Variants in GRM5 observed in about 807,000 individuals in gnomAD.
The protein encoded by GRM5 is metabotropic glutamate receptor 5.
In GRM5, 19 loss-of-function variants were observed where a neutral mutation model predicts 83.1. The ratio of observed to expected loss-of-function variants is 0.23; its 90% CI spans 0.16 to 0.34. GRM5 has a LOEUF of 0.34. Among genes scored for constraint, GRM5 ranks in the 10% least tolerant of loss-of-function variants. GRM5 has a pLI of 1.00. For missense variants in GRM5, 1,160 were observed against 1,588.3 expected, an observed-to-expected ratio of 0.73 and a Z score of 4.58; for synonymous variants, 675 against 633.6, an observed-to-expected ratio of 1.07 and a Z score of -0.98.
chr11:88,858,103 C>G (rs1944504360), intron 2 of GRM5, among the ~76,000 whole-genome samples: 1 of 152,002 alleles, frequency 6.6e-6, no homozygotes, highest in African/African-American at 2.4e-5. Context: ...GACCCATATA[C>G]CACAGCATTA....
intron 2 of GRM5, among the ~76,000 whole-genome samples, chr11:88,992,724 G>C (rs1255398964): frequency 6.6e-6 from 1 of 151,876 alleles, no homozygotes; most frequent in Non-Finnish European, 1.5e-5. Flanking sequence ...GTAGGGACAT[G>C]GATGAAGCTG....
At chr11:88,865,722 A>C (rs564973286) in intron 2 of GRM5, among the ~76,000 whole-genome samples, 3 of 151,930 alleles carry the variant, frequency 2.0e-5, no homozygotes, top group African/African-American at 7.2e-5. Flanking sequence ...AGAAAAAAAA[A>C]CAACCCCATG....
At chr11:88,762,159 A>G (rs985333392) in intron 3 of GRM5, among the ~76,000 whole-genome samples, 2 of 152,160 alleles carry the variant, frequency 1.3e-5, no homozygotes, top group Non-Finnish European at 2.9e-5. Flanking sequence ...CACCAGAAGC[A>G]ATTGCAACAA....
intron 2 of GRM5, among the ~76,000 whole-genome samples, chr11:88,936,888 T>C (rs1937918354): frequency 6.6e-6 from 1 of 151,812 alleles, no homozygotes; most frequent in South Asian, 2.1e-4. Context: ...ACATAGTTTA[T>C]GAAATAGTAA....
intron 3 of GRM5, among the ~76,000 whole-genome samples, chr11:88,663,341 G>T: frequency 6.6e-6 from 1 of 152,082 alleles, no homozygotes. Context: ...ATGCTTCCAC[G>T]TCATATGCAT....
intron 2 of GRM5, among the ~76,000 whole-genome samples, chr11:88,996,783 A>G (rs887230012): frequency 6.6e-6 from 1 of 152,240 alleles, no homozygotes; most frequent in African/African-American, 2.4e-5. Context: ...AAGACTTGAA[A>G]TCATGCAGAA....
At chr11:88,772,547 C>G (rs1422038170) in intron 3 of GRM5, among the ~76,000 whole-genome samples, 2 of 151,600 alleles carry the variant, frequency 1.3e-5, no homozygotes, top group African/African-American at 4.8e-5. Context: ...TTTGCTGCAC[C>G]CATCAACTCA....
rs377690406 is a variant in GRM5, at chr11:88,640,896, A to ATG, written c.1147+12270_1147+12271dup. 7.0e-4 allele frequency among the ~76,000 whole-genome samples: 106 copies of ATG among 152,260 alleles called. No individual in the cohort carries two copies. The Middle Eastern group carries it at 0.014, about 20-fold the overall frequency. ...CCCTCTCTCTTTGTAATTTATAGAG[A>ATG]TGCCATTAATTAGACATGACTGACA... On this transcript the variant is annotated intron_variant, in intron 4 of 9. Transcript: ENST00000305447.
intron 3 of GRM5, among the ~76,000 whole-genome samples, chr11:88,704,198 C>G (rs1009960694): frequency 1.9e-4 from 29 of 152,032 alleles, no homozygotes; most frequent in African/African-American, 6.5e-4. Flanking sequence ...TTCCAAAAGC[C>G]CACCTCCAAA....
intron 2 of GRM5, among the ~76,000 whole-genome samples, chr11:88,953,628 C>T (rs923264129): frequency 1.3e-5 from 2 of 152,116 alleles, no homozygotes; most frequent in Non-Finnish European, 2.9e-5. Context: ...CTCCATGGGG[C>T]GCTGTGGCCA....
intron 2 of GRM5, among the ~76,000 whole-genome samples, chr11:88,935,013 G>C (rs1937846356): frequency 6.6e-6 from 1 of 151,896 alleles, no homozygotes. Context: ...CACTGTGCTA[G>C]GTACTGTTGT....
At chr11:88,932,330 G>A (rs1937740054) in intron 2 of GRM5, among the ~76,000 whole-genome samples, 1 of 151,858 alleles carries the variant, frequency 6.6e-6, no homozygotes, top group Non-Finnish European at 1.5e-5. Context: ...ACAAATATTT[G>A]GAAATTACAT....
chr11:88,691,214 C>A (rs540197424), intron 3 of GRM5, among the ~76,000 whole-genome samples: 1 of 152,168 alleles, frequency 6.6e-6, no homozygotes, highest in Admixed American at 6.6e-5. Flanking sequence ...TTAAATCAAA[C>A]ACTTTTTCTA....
intron 2 of GRM5, among the ~76,000 whole-genome samples, chr11:88,939,681 C>T (rs917062784): frequency 6.6e-6 from 1 of 151,634 alleles, no homozygotes; most frequent in African/African-American, 2.4e-5. Context: ...TAATAATATT[C>T]TAATACGTAT....
chr11:88,739,129 G>T (rs554022627), intron 3 of GRM5, among the ~76,000 whole-genome samples: 3 of 152,070 alleles, frequency 2.0e-5, no homozygotes, highest in African/African-American at 7.2e-5. Context: ...AAGCACTTGG[G>T]CTTATAAATC....
intron 3 of GRM5, among the ~76,000 whole-genome samples, chr11:88,798,781 C>T (rs1411071931): frequency 2.3e-5 from 3 of 127,768 alleles, no homozygotes; most frequent in Non-Finnish European, 4.7e-5. Context: ...TGTTTCTCTA[C>T]TCTTTGCTAC....
In GRM5 at chr11:88,578,606, G is replaced by A. The variant is rs114726169; in HGVS notation, c.1691-10614C>T. ...GACCTGTTTTGATAAGTTCCACTAA[G>A]AGAGGGGCTTTCAGCCCTTTTTTTC... is the stretch of plus-strand genomic sequence containing the variant. On this transcript the variant is annotated intron_variant, in intron 7 of 9. Coordinates refer to ENST00000305447, the MANE Select transcript of GRM5 (RefSeq NM_001143831.3). Among the ~76,000 whole-genome samples, 1,120 of 152,316 alleles carry A rather than the reference G, an allele frequency of 7.4e-3. 11 individuals carry two copies. The highest frequency in any genetic ancestry group is 0.026 in the African/African-American group (1,082 of 41,588).
intron 2 of GRM5, among the ~76,000 whole-genome samples, chr11:88,922,819 ACT>A (rs1945715377): frequency 1.3e-5 from 2 of 152,164 alleles, no homozygotes; most frequent in Admixed American, 1.3e-4. Flanking sequence ...ATGTTAGCAA[ACT>A]CTACATCTGA....
In GRM5 at chr11:88,780,735, C is replaced by A. The variant is rs143988426; in HGVS notation, c.911+69171G>T. ...AAGATGGGGGTCTCACTATGTTGCC[C>A]AGGCTGGTCTCAAACTTCTGGCCCC... On this transcript the variant is annotated intron_variant, in intron 3 of 9. Transcript: ENST00000305447. 5.3e-5 allele frequency among the ~76,000 whole-genome samples: 8 copies of A among 152,010 alleles called. No individual in the cohort carries two copies. In the East Asian group the frequency reaches 1.5e-3, roughly 29 times the overall value.
Sources: allele counts gnomAD v4.1 joint callset (sites outside exome capture counted in the v4.1 genomes callset), GRCh38; gene constraint gnomAD v4.1.1; transcripts MANE v1.5; gene names NCBI Gene and HGNC (gene_info 2026-07-23, HGNC 2026-07-21).